TLE2: variants seen among roughly 807,000 people sequenced by gnomAD.
TLE2 encodes TLE family member 2, transcriptional corepressor.
In TLE2, 74 loss-of-function variants were observed where a neutral mutation model predicts 97.2. The ratio of observed to expected loss-of-function variants is 0.76; its 90% CI spans 0.63 to 0.92. TLE2 has a LOEUF of 0.92. TLE2 is among the 40% of genes least tolerant of loss of function. The pLI is 0.00. For missense variants in TLE2, 1,038 were observed against 1,008.7 expected, an observed-to-expected ratio of 1.03 and a Z score of -0.39; for synonymous variants, 499 against 432.1, an observed-to-expected ratio of 1.15 and a Z score of -1.92.
upstream of TLE2, among the ~76,000 whole-genome samples, chr19:3,032,618 G>A (rs934481547): frequency 6.6e-6 from 1 of 152,178 alleles, no homozygotes; most frequent in Admixed American, 6.6e-5. The surrounding 1 kb of genome is among the most constrained non-coding windows in gnomAD (Gnocchi z 4.1). Context: ...GAAGAAGGCT[G>A]TGGAGGGACT....
intron 14 of TLE2, among the ~76,000 whole-genome samples, chr19:3,007,610 G>A (rs947835851): frequency 1.3e-5 from 2 of 152,112 alleles, no homozygotes; most frequent in African/African-American, 4.8e-5. Flanking sequence ...GTCAGTGGGT[G>A]GCACAAATAC....
At chr19:3,031,805 C>G (rs1413172553), upstream of TLE2, among the ~76,000 whole-genome samples, 1 of 152,192 alleles carries the variant, frequency 6.6e-6, no homozygotes, top group Non-Finnish European at 1.5e-5. Context: ...AAAGCTACCT[C>G]CTCAGAACGG....
chr19:3,046,091 G>C (rs893814642), upstream of TLE2, among the ~76,000 whole-genome samples: 8 of 152,126 alleles, frequency 5.3e-5, no homozygotes, highest in African/African-American at 1.4e-4. Context: ...TTGCCCCTAG[G>C]GGGGCAAAGA....
chr19:3,011,261 C>T (rs1272168525), intron 11 of TLE2, 101 bp from the exon 12 acceptor site: 2 of 1,316,670 alleles, frequency 1.5e-6, no homozygotes, highest in Non-Finnish European at 2.0e-6. Flanking sequence ...GTCGCAGTGT[C>T]TCACACCTGT....
At chr19:3,035,375 G>A (rs1042303197) in intron 1 of TLE2, among the ~76,000 whole-genome samples, 1 of 152,084 alleles carries the variant, frequency 6.6e-6, no homozygotes, top group Admixed American at 6.6e-5. Flanking sequence ...GGGACTTCAC[G>A]GACCCCCTCT....
intron 13 of TLE2, 70 bp from the exon 14 acceptor site, chr19:3,009,015 A>G (rs867746007): frequency 4.9e-6 from 6 of 1,231,138 alleles, no homozygotes; most frequent in African/African-American, 3.0e-5. Flanking sequence ...CCCCACGCCC[A>G]CCTGCCATAC....
intron 8 of TLE2, 108 bp downstream of exon 8, chr19:3,017,732 G>T: frequency 9.3e-7 from 1 of 1,073,884 alleles, no homozygotes; most frequent in Non-Finnish European, 1.3e-6. Flanking sequence ...GATCAAAGGC[G>T]TGAGCCACCA....
chr19:3,018,754 A>C (rs2089772195), intron 7 of TLE2, among the ~76,000 whole-genome samples: 1 of 151,950 alleles, frequency 6.6e-6, no homozygotes, highest in African/African-American at 2.4e-5. Context: ...AGCTGAGATT[A>C]CAGGCACCCG....
In TLE2 at chr19:3,027,234, A is replaced by G. The variant is rs374871239; in HGVS notation, c.231+595T>C. Among the ~76,000 whole-genome samples, 25 of 152,362 alleles carry G rather than the reference A, an allele frequency of 1.6e-4. 1 individual carries two copies. In the East Asian group the frequency reaches 2.3e-3, roughly 14 times the overall value. The stretch of plus-strand genomic sequence containing the variant: ...TCCAGAAGAGGCTCAGAGCCTTACG[A>G]CACTGGAGTCAATCTCAAAGCCCTG... On this transcript the variant is annotated intron_variant, in intron 4 of 19. Transcript: ENST00000262953.
chr19:3,017,993 C>T lies in TLE2; in HGVS notation c.551-134G>A, dbSNP rs558523709. 146 of 701,644 alleles carry T rather than the reference C, an allele frequency of 2.1e-4. 1 individual carries two copies. Among genetic ancestry groups the T allele is most frequent in the South Asian group, 8.6e-4 (42 of 48,652 alleles). 43.5% of individuals were successfully genotyped at this position (701,644 alleles called of 1,614,324 possible). On this transcript the variant is annotated intron_variant, in intron 7 of 19. Transcript: ENST00000262953. ...CCACCCCACTCAGAGTCTCTCTACC[C>T]TTCCAACACCCTTGCAAGTGGTGGA...
chr19:3,046,931 T>TCCCTCCCCCTCCTCC (rs1247386481), upstream of TLE2, among the ~76,000 whole-genome samples: 26,499 of 70,942 alleles, frequency 0.37, 4,365 homozygotes, highest in Non-Finnish European at 0.44. Context: ...CCCCCTCCTC[T>TCCCTCCCCCTCCTCC]GCCTCCCCCT....
intron 19 of TLE2, among the ~76,000 whole-genome samples, chr19:2,999,118 C>A (rs1417968053): frequency 6.6e-6 from 1 of 152,000 alleles, no homozygotes; most frequent in Non-Finnish European, 1.5e-5. Context: ...CCCGTCTCTA[C>A]TAAAAATACA....
intron 10 of TLE2, among the ~76,000 whole-genome samples, chr19:3,014,252 A>G (rs572294026): frequency 6.6e-6 from 1 of 152,252 alleles, no homozygotes; most frequent in Admixed American, 6.5e-5. Flanking sequence ...GCTCTACTCC[A>G]TAAGCACCCA....
Position 3,019,289 on chromosome 19 carries a change from A to G in TLE2, c.544T>C (p.Ser182Pro), listed in dbSNP as rs1291686620. 6.4e-6 allele frequency: 10 copies of G among 1,573,922 alleles called. No homozygotes were observed. The highest frequency in any genetic ancestry group is 3.5e-5 in the Admixed American group (2 of 56,428). Residue 182 changes from serine (S) to proline (P), a missense_variant, in exon 7 of 20, where the codon TCC becomes CCC. Ser to Pro is a moderately conservative substitution (Grantham distance 74). Transcript: ENST00000262953. The surrounding 1 kb of genome is among the most constrained non-coding windows in gnomAD (Gnocchi z 5.1). ...EDRAGVEAEGSRVERAPSRSA... is the reference protein window; with the variant it reads ...EDRAGVEAEGPRVERAPSRSA... ...CCCCGTGCTGCCCACTCACCTCTGG[A>G]CCCCTCGGCCTCCACGCCCGCACGG...
chr19:3,017,224 G>A (rs1421869736), intron 8 of TLE2, among the ~76,000 whole-genome samples: 2 of 131,148 alleles, frequency 1.5e-5, no homozygotes, highest in Non-Finnish European at 3.1e-5. Context: ...TGCAACCTCT[G>A]TCTCCCAGGT....
chr19:2,999,709 AGAGT>A (rs1281680998), intron 19 of TLE2, among the ~76,000 whole-genome samples: 4 of 143,080 alleles, frequency 2.8e-5, no homozygotes, highest in Middle Eastern at 3.6e-3. Flanking sequence ...CCTGGGTGAC[AGAGT>A]GAGACTCCAT....
At position 3,028,789 on chromosome 19, in the gene TLE2, G is replaced by C. The variant is rs767999294; in HGVS notation, c.39C>G (p.Ser13=). Residue 13 remains serine (S), a synonymous_variant, in exon 2 of 20, where the codon TCC becomes TCG. Transcript: ENST00000262953. ...AGATCGAGAACTTGAAGGGCTGGCC[G>C]GACTGGAGCGGGGTCTGGGGGGGGT... is the stretch of plus-strand genomic sequence containing the variant. ...PQGRHPTPLQ[S]GQPFKFSILE... 6.2e-7 allele frequency: 1 copy of C among 1,612,630 alleles called. No homozygotes were observed. The highest frequency in any genetic ancestry group is 1.3e-5 in the African/African-American group (1 of 74,922).
chr19:3,006,700 C>G (rs1466126514), intron 14 of TLE2, 31 bp from the exon 15 acceptor site: 1 of 1,556,926 alleles, frequency 6.4e-7, no homozygotes, highest in African/African-American at 1.4e-5. Flanking sequence ...TGACCCAGCC[C>G]TGGGCACCAC....
intron 5 of TLE2, among the ~76,000 whole-genome samples, chr19:3,022,087 C>T (rs1197245693): frequency 3.3e-5 from 5 of 150,998 alleles, no homozygotes; most frequent in East Asian, 2.0e-4. Context: ...CTCACTCTGT[C>T]GCACAGGCTG....
Sources: gnomAD v4.1 joint callset for allele counts (sites outside exome capture counted in the v4.1 genomes callset) on GRCh38, gnomAD v4.1.1 for gene constraint, Gnocchi (gnomAD v3.1) non-coding constraint, MANE v1.5 for transcripts, NCBI Gene and HGNC (gene_info 2026-07-23, HGNC 2026-07-21) for gene names.